The following QARS1 variants were observed in gnomAD, a reference collection of about 807,000 sequenced individuals.
The protein encoded by QARS1 is glutaminyl-tRNA synthetase 1, also known as glutamine--tRNA ligase.
In QARS1, 79 loss-of-function variants were observed where a neutral mutation model predicts 106.9. The observed-to-expected ratio is 0.74, with a 90% CI of 0.62 to 0.89. QARS1 has a LOEUF of 0.89. Among genes scored for constraint, QARS1 ranks in the 40% least tolerant of loss-of-function variants. QARS1 has a pLI of 0.00. For missense variants in QARS1, 966 were observed against 997.2 expected (o/e 0.97, Z 0.42); for synonymous variants, 395 against 367.7 (o/e 1.07, Z -0.85).
intron 18 of QARS1, 48 bp downstream of exon 18, chr3:49,099,062 C>T (rs371568169): frequency 6.7e-5 from 108 of 1,613,318 alleles, no homozygotes; most frequent in Middle Eastern, 4.9e-4. Flanking sequence ...GCCAAGTGTA[C>T]CCCCAGCTAC....
At chr3:49,098,846 A>T (rs2042427129) in intron 19 of QARS1, 39 bp downstream of exon 19, 2 of 1,557,522 alleles carry the variant, frequency 1.3e-6, no homozygotes, top group Non-Finnish European at 1.8e-6. Flanking sequence ...CCAGTACCAG[A>T]CTCAGCAGCA....
Position 49,100,305 on chromosome 3 carries a change from G to A in QARS1, c.1056-7C>T. ...GCACACATAAGCCAGACCCCTGTGGGGAAGCGGTGTGAGTGCCCAGCATGG... is the reference window on the plus strand; with the variant it reads ...GCACACATAAGCCAGACCCCTGTGGAGAAGCGGTGTGAGTGCCCAGCATGG... On this transcript the variant is annotated splice_region_variant and splice_polypyrimidine_tract_variant and intron_variant, in intron 12 of 23. Transcript: ENST00000306125. 6.2e-7 allele frequency: 1 copy of A among 1,614,250 alleles called. No homozygotes were observed. Among genetic ancestry groups the A allele is most frequent in the Non-Finnish European group, 8.5e-7 (1 of 1,180,024 alleles).
At chr3:49,104,116 G>T (rs779860289) in intron 2 of QARS1, 144 bp from the exon 3 acceptor site, 10 of 1,118,032 alleles carry the variant, frequency 8.9e-6, no homozygotes, top group Admixed American at 5.7e-5. Flanking sequence ...ACACAGGGAA[G>T]AAAGAAGCAC....
rs778251931 is a variant in QARS1, at chr3:49,098,706, G to A, written c.1864-14C>T. ...TGGCTCTGGCTCCTAGAGATAGGAA[G>A]TGGGGTAGACACATGAGGCTGCAAG... On this transcript the variant is annotated splice_polypyrimidine_tract_variant and intron_variant, in intron 19 of 23. Transcript: ENST00000306125. The A allele has an allele frequency of 1.1e-5, 17 of 1,579,432 alleles. No individual in the cohort carries two copies. The highest frequency in any genetic ancestry group is 1.3e-5 in the Non-Finnish European group (15 of 1,163,702).
intron 23 of QARS1, among the ~76,000 whole-genome samples, chr3:49,096,396 G>A (rs1559964855): frequency 6.6e-6 from 1 of 152,198 alleles, no homozygotes; most frequent in Non-Finnish European, 1.5e-5. Context: ...TGGTGCAGTG[G>A]CTCACGCCTG....
Position 49,098,278 on chromosome 3 carries a change from C to A in QARS1, c.2085-20G>T, listed in dbSNP as rs765783488. On this transcript the variant is annotated intron_variant, in intron 21 of 23. Coordinates refer to ENST00000306125, the MANE Select transcript of QARS1 (RefSeq NM_005051.3). ...TGGAATCTGCAGCCAAAGTGAAGGTCATACCCCCAGCTGGGCAGCCATAGC... is the reference window on the plus strand; with the variant it reads ...TGGAATCTGCAGCCAAAGTGAAGGTAATACCCCCAGCTGGGCAGCCATAGC... 19 of 1,614,076 alleles carry A rather than the reference C, an allele frequency of 1.2e-5. No homozygotes were observed. The highest frequency in any genetic ancestry group is 1.6e-4 in the Middle Eastern group (1 of 6,084).
intron 7 of QARS1, 43 bp downstream of exon 7, chr3:49,102,162 G>A: frequency 1.2e-6 from 2 of 1,612,872 alleles, no homozygotes; most frequent in Non-Finnish European, 1.7e-6. Context: ...AGGTTCAGAA[G>A]TCAGGGAGCT....
chr3:49,103,740 C>A lies in QARS1; in HGVS notation c.376-34G>T, dbSNP rs760439462. ...AGCCAAACCATGTGGTTCAGGAAAGCCACCTTTAGAGATATTCTGGGAACC... is the reference window on the plus strand; with the variant it reads ...AGCCAAACCATGTGGTTCAGGAAAGACACCTTTAGAGATATTCTGGGAACC... On this transcript the variant is annotated intron_variant, in intron 3 of 23. Coordinates refer to ENST00000306125, the MANE Select transcript of QARS1 (RefSeq NM_005051.3). 9.1e-5 allele frequency: 147 copies of A among 1,610,022 alleles called. No individual in the cohort carries two copies. In the South Asian group the frequency reaches 9.2e-4, roughly 10 times the overall value.
At chr3:49,101,501 A>G in intron 9 of QARS1, 60 bp from the exon 10 acceptor site, 1 of 1,578,304 alleles carries the variant, frequency 6.3e-7, no homozygotes, top group Non-Finnish European at 8.7e-7. Context: ...CCTTAAAGAA[A>G]CAGATGTTCC....
At position 49,098,842 on chromosome 3, in the gene QARS1, C is replaced by T. The variant is rs1468118528; in HGVS notation, c.1863+43G>A. The T allele has an allele frequency of 5.3e-5, 83 of 1,552,420 alleles. 3 individuals carry two copies. The Admixed American group carries it at 1.4e-3, about 26-fold the overall frequency. On this transcript the variant is annotated intron_variant, in intron 19 of 23. Coordinates refer to ENST00000306125, the MANE Select transcript of QARS1 (RefSeq NM_005051.3). ...ATGAGGAGATGAAAGGTTCCCAGTA[C>T]CAGACTCAGCAGCAAACGGGACCCT...
rs753236762 is a variant in QARS1 at position 49,099,904 on chromosome 3, C to T, written c.1296-51G>A. The T allele has an allele frequency of 8.1e-6, 13 of 1,613,914 alleles. No individual in the cohort carries two copies. The South Asian group carries it at 1.4e-4, about 18-fold the overall frequency. ...ACCATCCAGCCCTACTCTGCCCTAC[C>T]CCATGGCCCATCGCCCTGCTCGGCA... On this transcript the variant is annotated intron_variant, in intron 14 of 23. Transcript: ENST00000306125.
chr3:49,103,747 T>C lies in QARS1; in HGVS notation c.376-41A>G, dbSNP rs367607894. 21 of 1,608,814 alleles carry C rather than the reference T, an allele frequency of 1.3e-5. No individual in the cohort carries two copies. The East Asian group carries it at 4.7e-4, about 36-fold the overall frequency. ...CCATGTGGTTCAGGAAAGCCACCTTTAGAGATATTCTGGGAACCCACACCC... is the reference window on the plus strand; with the variant it reads ...CCATGTGGTTCAGGAAAGCCACCTTCAGAGATATTCTGGGAACCCACACCC... On this transcript the variant is annotated intron_variant, in intron 3 of 23. Coordinates refer to ENST00000306125, the MANE Select transcript of QARS1 (RefSeq NM_005051.3).
chr3:49,098,898 G>C lies in QARS1; in HGVS notation c.1850C>G (p.Thr617Ser), dbSNP rs1275271200. Reference protein sequence around the residue: ...PFAPIVFIERTDFKEEPEPGF... With the variant: ...PFAPIVFIERSDFKEEPEPGF... ...CCCACAATTTACCTCCTTGAAGTCA[G>C]TCCTCTCAATGAAGACAATGGGTGC... Residue 617 changes from threonine to serine, a missense_variant, in exon 19 of 24, where the codon ACT (threonine) becomes AGT (serine). Transcript: ENST00000306125. The C allele has an allele frequency of 6.2e-7, 1 of 1,613,214 alleles. No individual in the cohort carries two copies. Among genetic ancestry groups the C allele is most frequent in the Non-Finnish European group, 8.5e-7 (1 of 1,179,154 alleles).
intron 23 of QARS1, among the ~76,000 whole-genome samples, 162 bp downstream of exon 23, chr3:49,097,830 C>G (rs561800925): frequency 5.3e-5 from 8 of 152,222 alleles, no homozygotes; most frequent in African/African-American, 1.9e-4. Flanking sequence ...AATTTTGTGC[C>G]TGGAGTTATC....
In QARS1 at chr3:49,100,584, C is replaced by A; in HGVS notation, c.967G>T (p.Ala323Ser). ...KFFTAICDMV[A>S]WLGYTPYKVT... ...TTTGCCTAGTCCATACCTAGCCAGG[C>A]TACCATGTCACAGATGGCCGTGAAG... The change falls in exon 11 of 24, where the codon GCC becomes TCC. Residue 323 changes from alanine (A) to serine (S), a missense_variant. Transcript: ENST00000306125. The A allele has an allele frequency of 6.2e-7, 1 of 1,605,308 alleles. No individual in the cohort carries two copies. Among genetic ancestry groups the A allele is most frequent in the Non-Finnish European group, 8.5e-7 (1 of 1,172,034 alleles).
intron 10 of QARS1, 140 bp from the exon 11 acceptor site, chr3:49,100,814 C>G: frequency 1.3e-6 from 1 of 769,100 alleles, no homozygotes; most frequent in Non-Finnish European, 2.2e-6. Context: ...TATCTTGCAC[C>G]ATCTTGGCTC....
Position 49,101,355 on chromosome 3 carries a change from C to G in QARS1, c.876G>C (p.Lys292Asn). The G allele has an allele frequency of 6.2e-7, 1 of 1,610,182 alleles. No individual in the cohort carries two copies. The highest frequency in any genetic ancestry group is 8.5e-7 in the Non-Finnish European group (1 of 1,176,724). Residue 292 changes from lysine to asparagine, a missense_variant and splice_region_variant, in exon 10 of 24, where the codon AAG becomes AAC. Coordinates refer to ENST00000306125, the MANE Select transcript of QARS1 (RefSeq NM_005051.3). ...KAINFNFGYA[K>N]ANNGICFLRF... ...GCCAGGTCCCTAGACACATGCTTAC[C>G]TTGGCATAGCCAAAGTTGAAATTGA... is the stretch of plus-strand genomic sequence containing the variant.
rs1038753186 is a variant in QARS1 at position 49,099,343 on chromosome 3, C to T, written c.1614+1G>A. 5.0e-6 allele frequency: 8 copies of T among 1,614,060 alleles called. No individual in the cohort carries two copies. The highest frequency in any genetic ancestry group is 5.9e-6 in the Non-Finnish European group (7 of 1,180,022). The stretch of plus-strand genomic sequence containing the variant: ...TATCTACCCAACCTGCTGGGCTATA[C>T]CCGGGCACAGAAGTTGTTGATGGCC... On this transcript the variant is annotated splice_donor_variant, in intron 17 of 23. Coordinates refer to ENST00000306125, the MANE Select transcript of QARS1 (RefSeq NM_005051.3). LOFTEE classifies it high-confidence loss of function.
Position 49,096,079 on chromosome 3 carries a change from G to C in QARS1, c.2278C>G (p.Leu760Val), listed in dbSNP as rs780017791. ...AGTGTGACAGTTCGGTTAAAGACAAGCTGGAGGGCAGAGGGAAAAGGATGA... is the reference window on the plus strand; with the variant it reads ...AGTGTGACAGTTCGGTTAAAGACAACCTGGAGGGCAGAGGGAAAAGGATGA... ...SVDPDSHQGK[L>V]VFNRTVTLKE... Residue 760 changes from leucine to valine, a missense_variant and splice_region_variant, in exon 24 of 24, where the codon CTT becomes GTT. Transcript: ENST00000306125. The C allele has an allele frequency of 1.2e-6, 2 of 1,613,760 alleles. No individual in the cohort carries two copies. Among genetic ancestry groups the C allele is most frequent in the Admixed American group, 1.7e-5 (1 of 59,974 alleles).
Sources: allele counts gnomAD v4.1 joint callset (sites outside exome capture counted in the v4.1 genomes callset), GRCh38; gene constraint gnomAD v4.1.1; transcripts MANE v1.5; gene names NCBI Gene and HGNC (gene_info 2026-07-23, HGNC 2026-07-21).